Variants in SVIL observed in about 807,000 individuals in gnomAD.
SVIL encodes the protein archvillin.
In SVIL, 101 loss-of-function variants were observed where a neutral mutation model predicts 240.4. The observed-to-expected ratio is 0.42, with a 90% CI of 0.36 to 0.50. The LOEUF is 0.50. SVIL is among the 20% of genes least tolerant of loss of function. The pLI is 0.01. For missense variants in SVIL, 2,512 were observed against 2,818.7 expected (o/e 0.89, Z 2.46); for synonymous variants, 999 against 1,100.0 (o/e 0.91, Z 1.82).
chr10:29,674,317 T>C (rs1345324479), intron 2 of SVIL, among the ~76,000 whole-genome samples: 1 of 152,056 alleles, frequency 6.6e-6, no homozygotes, highest in African/African-American at 2.4e-5. Flanking sequence ...GGTGACAAAA[T>C]GAGATTCTGT....
At chr10:29,568,308 C>T (rs539061061) in intron 2 of SVIL, among the ~76,000 whole-genome samples, 2 of 152,010 alleles carry the variant, frequency 1.3e-5, no homozygotes, top group African/African-American at 4.8e-5. Flanking sequence ...AGATCAACTG[C>T]CATTTTCAAA....
At chr10:29,573,141 T>C (rs11007657) in intron 1 of SVIL, among the ~76,000 whole-genome samples, 85,148 of 151,864 alleles carry the variant, frequency 0.56, 24,762 homozygotes, top group African/African-American at 0.73. Flanking sequence ...GTTTGGGGTA[T>C]ATGGGTCCCA....
chr10:29,593,805 A>C (rs1019071539), intron 1 of SVIL, among the ~76,000 whole-genome samples: 3 of 152,246 alleles, frequency 2.0e-5, no homozygotes, highest in Non-Finnish European at 2.9e-5. Flanking sequence ...ACTGCGCCCA[A>C]GCCCTTATCC....
chr10:29,633,968 G>T (rs756010754), intron 1 of SVIL, among the ~76,000 whole-genome samples: 1 of 152,098 alleles, frequency 6.6e-6, no homozygotes, highest in Non-Finnish European at 1.5e-5. Flanking sequence ...TATGCAAAAG[G>T]ATCACTGGTG....
At position 29,524,688 on chromosome 10, in the gene SVIL, G is replaced by C; in HGVS notation, c.2370C>G (p.Ala790=). Residue 790 remains alanine, a synonymous_variant, in exon 14 of 38, where the codon GCC becomes GCG. Coordinates refer to ENST00000355867, the MANE Select transcript of SVIL (RefSeq NM_021738.3). ...CCTCATTTGTCTGGTCCTTGGCTAA[G>C]GCCTTTTGGTGAGCAGAGGCCTGCA... The part of the protein sequence containing the change: ...ARLQASAHQK[A]LAKDQTNEGK... 6.2e-7 allele frequency: 1 copy of C among 1,614,146 alleles called. No individual in the cohort carries two copies. The highest frequency in any genetic ancestry group is 8.5e-7 in the Non-Finnish European group (1 of 1,180,034).
chr10:29,539,591 G>C (rs527866623), intron 6 of SVIL, among the ~76,000 whole-genome samples: 1 of 152,274 alleles, frequency 6.6e-6, no homozygotes, highest in East Asian at 1.9e-4. Flanking sequence ...ACGCTGTCCT[G>C]GGCGCTGTGT....
intron 3 of SVIL, among the ~76,000 whole-genome samples, chr10:29,644,140 T>C (rs1173170508): frequency 6.6e-6 from 1 of 152,126 alleles, no homozygotes; most frequent in African/African-American, 2.4e-5. Flanking sequence ...TGGAGGCTGC[T>C]GCTCAAATGG....
chr10:29,485,145 C>T (rs1947274964), intron 26 of SVIL, among the ~76,000 whole-genome samples: 1 of 151,946 alleles, frequency 6.6e-6, no homozygotes. Context: ...CTGTCGACTT[C>T]CTGCCTCTCT....
At chr10:29,580,338 A>T (rs1955886113) in intron 1 of SVIL, among the ~76,000 whole-genome samples, 1 of 152,084 alleles carries the variant, frequency 6.6e-6, no homozygotes, top group Non-Finnish European at 1.5e-5. Context: ...GCAACAGATT[A>T]AACCCTGTCT....
At chr10:29,617,314 C>T (rs532332455) in intron 1 of SVIL, among the ~76,000 whole-genome samples, 2 of 152,238 alleles carry the variant, frequency 1.3e-5, no homozygotes, top group East Asian at 1.9e-4. Context: ...CATTTGCAGG[C>T]CCCTGGTCAT....
At chr10:29,588,575 T>G (rs1222985488) in intron 1 of SVIL, among the ~76,000 whole-genome samples, 2 of 152,222 alleles carry the variant, frequency 1.3e-5, no homozygotes, top group Non-Finnish European at 2.9e-5. Context: ...TAATTTACAC[T>G]AATTCAGCAT....
intron 17 of SVIL, among the ~76,000 whole-genome samples, chr10:29,505,519 G>C (rs73596034): frequency 0.046 from 6,996 of 151,978 alleles, 496 homozygotes; most frequent in African/African-American, 0.14. Flanking sequence ...GCCAAGGACT[G>C]GGCGGTGAGA....
At chr10:29,662,991 T>C (rs1226968756) in intron 2 of SVIL, among the ~76,000 whole-genome samples, 1 of 152,166 alleles carries the variant, frequency 6.6e-6, no homozygotes, top group East Asian at 1.9e-4. Flanking sequence ...CATGCACCTG[T>C]AGCCCTAGCT....
chr10:29,729,833 CAAAAAAAAAA>C (rs71023507), intron 1 of SVIL, among the ~76,000 whole-genome samples: 12 of 32,510 alleles, frequency 3.7e-4, no homozygotes, highest in Non-Finnish European at 6.1e-4. Context: ...GACTCCATCT[CAAAAAAAAAA>C]AAAAAAAAAA....
At chr10:29,642,768 C>T (rs141456308) in intron 3 of SVIL, among the ~76,000 whole-genome samples, 2,272 of 152,212 alleles carry the variant, frequency 0.015, 25 homozygotes, top group Non-Finnish European at 0.024. Context: ...ACTGCAGCCT[C>T]CACCTGCTGG....
intron 1 of SVIL, among the ~76,000 whole-genome samples, chr10:29,579,233 C>T (rs970926457): frequency 1.3e-5 from 2 of 151,782 alleles, no homozygotes; most frequent in Non-Finnish European, 2.9e-5. Flanking sequence ...GTCAGGAGAT[C>T]GAGACTATCC....
intron 16 of SVIL, among the ~76,000 whole-genome samples, chr10:29,521,300 G>A (rs963876623): frequency 6.6e-6 from 1 of 151,994 alleles, no homozygotes; most frequent in African/African-American, 2.4e-5. Flanking sequence ...TATAGTCTTA[G>A]GCAGTTTGAA....
intron 2 of SVIL, among the ~76,000 whole-genome samples, chr10:29,568,945 G>A (rs1016354235): frequency 2.0e-5 from 3 of 152,144 alleles, no homozygotes; most frequent in African/African-American, 7.2e-5. Context: ...AAAGAATCTA[G>A]CTCCCTTCTT....
chr10:29,710,158 A>G (rs911863671), intron 1 of SVIL, among the ~76,000 whole-genome samples: 4 of 151,876 alleles, frequency 2.6e-5, no homozygotes, highest in African/African-American at 9.7e-5. Flanking sequence ...AGCTCAAGCA[A>G]TCCTCCCACC....
Sources: allele counts gnomAD v4.1 joint callset (sites outside exome capture counted in the v4.1 genomes callset), GRCh38; gene constraint gnomAD v4.1.1; transcripts MANE v1.5; gene names NCBI Gene and HGNC (gene_info 2026-07-23, HGNC 2026-07-21).